ATG7: variants seen among roughly 807,000 people sequenced by gnomAD.
ATG7 encodes the protein ubiquitin-like modifier-activating enzyme ATG7.
ATG7 carries 70 observed loss-of-function variants against 82.4 expected under a neutral mutation model. That is an observed-to-expected ratio of 0.85 (90% CI 0.70 to 1.04). ATG7 has a LOEUF of 1.04. ATG7 is among the 50% of genes least tolerant of loss of function. The pLI is 0.00. For missense variants in ATG7, 792 were observed against 864.3 expected, an observed-to-expected ratio of 0.92 and a Z score of 1.05; for synonymous variants, 287 against 313.0, an observed-to-expected ratio of 0.92 and a Z score of 0.88.
intron 20 of ATG7, among the ~76,000 whole-genome samples, chr3:11,491,234 A>G (rs1331144908): frequency 1.3e-5 from 2 of 151,874 alleles, no homozygotes; most frequent in South Asian, 2.1e-4. Context: ...ATCTTCCATC[A>G]CTGATACCCT....
At chr3:11,293,950 C>T (rs867148608) in intron 3 of ATG7, among the ~76,000 whole-genome samples, 4 of 145,456 alleles carry the variant, frequency 2.7e-5, no homozygotes, top group Non-Finnish European at 4.5e-5. Flanking sequence ...CCTGGGAGGC[C>T]GAGGTTGCTG....
chr3:11,505,063 A>G (rs2091613513), intron 20 of ATG7, among the ~76,000 whole-genome samples: 1 of 152,232 alleles, frequency 6.6e-6, no homozygotes, highest in Non-Finnish European at 1.5e-5. Flanking sequence ...AGAGGTAACT[A>G]AAAGTATCAG....
chr3:11,566,138 AAT>A, the ATG7 span, among the ~76,000 whole-genome samples: 1 of 152,238 alleles, frequency 6.6e-6, no homozygotes, highest in Non-Finnish European at 1.5e-5. Context: ...GGACTGGCTG[AAT>A]ATGTTACACA....
chr3:11,518,487 C>T lies in ATG7; in HGVS notation c.2080-36324C>T, dbSNP rs150952104. Among the ~76,000 whole-genome samples, 37 of 151,274 alleles carry T rather than the reference C, an allele frequency of 2.4e-4. 1 individual carries two copies. The highest frequency in any genetic ancestry group is 8.8e-4 in the African/African-American group (36 of 41,124). ...TCTTGAACCCAGAAGGTAGAGGTTGCAGTGGCCTGAGATCGTGCTACTGTA... is the reference window on the plus strand; with the variant it reads ...TCTTGAACCCAGAAGGTAGAGGTTGTAGTGGCCTGAGATCGTGCTACTGTA... On this transcript the variant is annotated intron_variant, in intron 20 of 20. Coordinates refer to ENST00000693202, the MANE Select transcript of ATG7 (RefSeq NM_001349232.2).
chr3:11,384,533 G>A (rs530934685), intron 19 of ATG7, among the ~76,000 whole-genome samples: 4 of 152,132 alleles, frequency 2.6e-5, no homozygotes, highest in Non-Finnish European at 5.9e-5. Flanking sequence ...ATAGGGTAAG[G>A]GTTAGGTAGG....
chr3:11,479,491 A>G (rs532807747), intron 20 of ATG7, among the ~76,000 whole-genome samples: 1 of 152,138 alleles, frequency 6.6e-6, no homozygotes, highest in Non-Finnish European at 1.5e-5. Flanking sequence ...AAGCCCAGAT[A>G]TTGACCGATC....
At chr3:11,395,878 C>T (rs367897739) in intron 19 of ATG7, among the ~76,000 whole-genome samples, 25 of 139,588 alleles carry the variant, frequency 1.8e-4, no homozygotes, top group Admixed American at 1.0e-3. Flanking sequence ...AGGCGGAGCT[C>T]GCAGTGAGCG....
downstream of ATG7, among the ~76,000 whole-genome samples, chr3:11,562,499 T>C (rs574928341): frequency 6.6e-6 from 1 of 152,274 alleles, no homozygotes; most frequent in East Asian, 1.9e-4. Flanking sequence ...CCCTCCCCAC[T>C]GCCATTTCCC....
intron 9 of ATG7, among the ~76,000 whole-genome samples, chr3:11,319,359 CT>C (rs2152732778): frequency 6.7e-6 from 1 of 149,964 alleles, no homozygotes; most frequent in Admixed American, 6.8e-5. Context: ...TGTGTTCTGG[CT>C]TCATGTTTTA....
At chr3:11,331,513 G>A in intron 10 of ATG7, 85 bp downstream of exon 10, 1 of 1,167,326 alleles carries the variant, frequency 8.6e-7, no homozygotes, top group Non-Finnish European at 1.3e-6. Context: ...TTGTATCTCT[G>A]TTTTCCTAAA....
intron 20 of ATG7, among the ~76,000 whole-genome samples, chr3:11,483,036 ACCCACCTCTAAGT>A (rs1326830342): frequency 6.6e-6 from 1 of 151,998 alleles, no homozygotes; most frequent in East Asian, 1.9e-4. Flanking sequence ...TTCCACCTAT[ACCCACCTCTAAGT>A]CCCACCTCTC....
At chr3:11,293,456 G>A (rs1193881202) in intron 3 of ATG7, among the ~76,000 whole-genome samples, 8 of 150,228 alleles carry the variant, frequency 5.3e-5, no homozygotes, top group African/African-American at 1.5e-4. Flanking sequence ...ACTTGAACCC[G>A]GGAGGTGAAA....
chr3:11,423,073 G>C (rs888381031), intron 19 of ATG7, among the ~76,000 whole-genome samples: 1 of 152,048 alleles, frequency 6.6e-6, no homozygotes, highest in Non-Finnish European at 1.5e-5. Flanking sequence ...TCTAGCTCTC[G>C]ATTTAAAGTG....
chr3:11,417,784 AATTATT>A (rs139624584), intron 19 of ATG7, among the ~76,000 whole-genome samples: 2 of 56,772 alleles, frequency 3.5e-5, no homozygotes, highest in Non-Finnish European at 7.8e-5. Flanking sequence ...GCATTTAAAA[AATTATT>A]ATTATTATTA....
At chr3:11,568,895 C>G in the ATG7 span, 1 of 1,313,032 alleles carries the variant, frequency 7.6e-7, no homozygotes, top group Non-Finnish European at 9.7e-7. The surrounding 1 kb of genome is among the most constrained non-coding windows in gnomAD (Gnocchi z 5.9). Context: ...GGCCCCGCCC[C>G]GGGCCTCATC....
intron 9 of ATG7, among the ~76,000 whole-genome samples, chr3:11,317,470 A>G (rs1559383157): frequency 6.6e-6 from 1 of 152,118 alleles, no homozygotes; most frequent in Non-Finnish European, 1.5e-5. Flanking sequence ...AGTCTGTGAA[A>G]CAAGCGTTAG....
chr3:11,383,617 T>C (rs2078084857), intron 19 of ATG7, among the ~76,000 whole-genome samples: 1 of 152,098 alleles, frequency 6.6e-6, no homozygotes, highest in Non-Finnish European at 1.5e-5. Flanking sequence ...CCTGGCTAAT[T>C]TTTTGTATTT....
intron 20 of ATG7, among the ~76,000 whole-genome samples, chr3:11,456,554 A>G (rs1365857366): frequency 1.3e-5 from 2 of 152,164 alleles, no homozygotes; most frequent in Admixed American, 6.5e-5. Context: ...TCTTTTGGCA[A>G]TATGATATAT....
intron 20 of ATG7, chr3:11,510,101 C>G (rs2091969842): frequency 5.6e-6 from 2 of 357,676 alleles, no homozygotes; most frequent in Non-Finnish European, 1.1e-5. Context: ...CCTCCCCCAG[C>G]CAGCTGGTGT....
Sources: allele counts gnomAD v4.1 joint callset (sites outside exome capture counted in the v4.1 genomes callset), GRCh38; gene constraint gnomAD v4.1.1; non-coding constraint Gnocchi (gnomAD v3.1); transcripts MANE v1.5; gene names NCBI Gene and HGNC (gene_info 2026-07-23, HGNC 2026-07-21).